CADPS2: variants seen among roughly 807,000 people sequenced by gnomAD.
CADPS2 encodes the protein calcium-dependent secretion activator 2.
A neutral mutation model predicts 172.5 loss-of-function variants in CADPS2; 93 were observed. That is an observed-to-expected ratio of 0.54 (90% CI 0.46 to 0.64). The LOEUF (loss-of-function observed/expected upper bound fraction) is 0.64. Among genes scored for constraint, CADPS2 ranks in the 30% least tolerant of loss-of-function variants. The pLI is 0.00. For synonymous variants in CADPS2, 546 were observed against 555.2 expected (o/e 0.98, Z 0.23); for missense variants, 1,420 against 1,565.9 (o/e 0.91, Z 1.57).
intron 8 of CADPS2, among the ~76,000 whole-genome samples, chr7:122,521,694 A>G (rs1312523522): frequency 1.3e-5 from 2 of 152,154 alleles, no homozygotes; most frequent in Non-Finnish European, 2.9e-5. Context: ...AATTATGACT[A>G]AAGAAAAACC....
Position 122,615,208 on chromosome 7 carries a change from G to A in CADPS2, c.1196C>T (p.Thr399Ile). 1.3e-6 allele frequency: 2 copies of A among 1,554,866 alleles called. No homozygotes were observed. Among genetic ancestry groups the A allele is most frequent in the African/African-American group, 1.4e-5 (1 of 73,530 alleles). The change falls in exon 6 of 30, where the codon ACA (threonine) becomes ATA (isoleucine). Residue 399 changes from threonine (T) to isoleucine (I), a missense_variant. Physicochemically the swap from Thr to Ile is moderately conservative, Grantham distance 89. Coordinates refer to ENST00000449022, the MANE Select transcript of CADPS2 (RefSeq NM_017954.11). ...TGGCCTTGAGGCTTCGGCCTGGTCTGTCTGAAGTTTTTCTCCTTCCACTTC... is the reference window on the plus strand; with the variant it reads ...TGGCCTTGAGGCTTCGGCCTGGTCTATCTGAAGTTTTTCTCCTTCCACTTC... Reference protein sequence around the residue: ...TMEVEGEKLQTDQAEASRPQW... With the variant: ...TMEVEGEKLQIDQAEASRPQW...
chr7:122,816,567 T>C (rs185876824), intron 1 of CADPS2, among the ~76,000 whole-genome samples: 6 of 152,370 alleles, frequency 3.9e-5, no homozygotes, highest in Admixed American at 1.3e-4. Context: ...AATTGCTGGA[T>C]CATACAGTAG....
At chr7:122,675,653 G>A (rs563361618) in intron 2 of CADPS2, among the ~76,000 whole-genome samples, 1 of 152,282 alleles carries the variant, frequency 6.6e-6, no homozygotes, top group African/African-American at 2.4e-5. Flanking sequence ...AAAAGAATGA[G>A]TTCATGTCCT....
At chr7:122,795,182 A>G (rs1232684716) in intron 1 of CADPS2, among the ~76,000 whole-genome samples, 2 of 152,090 alleles carry the variant, frequency 1.3e-5, no homozygotes, top group Non-Finnish European at 2.9e-5. Flanking sequence ...CAAATCCAGG[A>G]GCAATTTTTT....
At chr7:122,542,182 G>C (rs1028548892) in intron 8 of CADPS2, among the ~76,000 whole-genome samples, 2 of 151,990 alleles carry the variant, frequency 1.3e-5, no homozygotes, top group Non-Finnish European at 2.9e-5. Flanking sequence ...GAGGCACAGG[G>C]AGGTTAAGTA....
intron 29 of CADPS2, among the ~76,000 whole-genome samples, chr7:122,323,514 A>G (rs1231347432): frequency 1.3e-5 from 2 of 152,078 alleles, no homozygotes; most frequent in Non-Finnish European, 2.9e-5. Flanking sequence ...AATAAGTCAC[A>G]CTGTATATCT....
At chr7:122,584,457 T>A (rs1160089188) in intron 6 of CADPS2, among the ~76,000 whole-genome samples, 1 of 151,974 alleles carries the variant, frequency 6.6e-6, no homozygotes, top group Non-Finnish European at 1.5e-5. Flanking sequence ...CTTAATGTTT[T>A]CTTTTTTCCA....
At chr7:122,624,903 A>G (rs913847246) in intron 4 of CADPS2, among the ~76,000 whole-genome samples, 4 of 152,326 alleles carry the variant, frequency 2.6e-5, no homozygotes, top group Non-Finnish European at 4.4e-5. Context: ...ATAGAAAGTC[A>G]TAAGTGGCAT....
At chr7:122,774,555 C>T (rs1461432813) in intron 1 of CADPS2, among the ~76,000 whole-genome samples, 1 of 152,038 alleles carries the variant, frequency 6.6e-6, no homozygotes, top group Non-Finnish European at 1.5e-5. Context: ...TATAAATGTT[C>T]TACCAATTAT....
intron 2 of CADPS2, among the ~76,000 whole-genome samples, chr7:122,714,488 AAAAC>A (rs1487934753): frequency 1.3e-5 from 2 of 152,032 alleles, no homozygotes; most frequent in Non-Finnish European, 2.9e-5. Flanking sequence ...TTTTTTTAAA[AAAAC>A]AAACAATAAG....
At chr7:122,446,576 G>T (rs559193570) in intron 15 of CADPS2, among the ~76,000 whole-genome samples, 1 of 152,286 alleles carries the variant, frequency 6.6e-6, no homozygotes, top group South Asian at 2.1e-4. Context: ...GTTAGCATTA[G>T]AGATTCCCCC....
intron 1 of CADPS2, among the ~76,000 whole-genome samples, chr7:122,738,381 A>C (rs2092294517): frequency 6.6e-6 from 1 of 152,036 alleles, no homozygotes; most frequent in African/African-American, 2.4e-5. Flanking sequence ...AAGGCGTCTT[A>C]GATCTTAGGT....
intron 1 of CADPS2, among the ~76,000 whole-genome samples, chr7:122,803,307 A>G (rs1405728771): frequency 2.0e-5 from 3 of 152,224 alleles, no homozygotes; most frequent in Non-Finnish European, 2.9e-5. Flanking sequence ...TTTGTTCTGT[A>G]AAGGGAAATC....
chr7:122,620,343 A>G (rs1022085348), intron 5 of CADPS2, among the ~76,000 whole-genome samples: 2 of 152,024 alleles, frequency 1.3e-5, no homozygotes, highest in East Asian at 3.9e-4. Context: ...GTGACTTGAT[A>G]CTCCTAATTA....
intron 1 of CADPS2, among the ~76,000 whole-genome samples, chr7:122,881,988 C>T (rs1307304400): frequency 6.6e-6 from 1 of 152,078 alleles, no homozygotes; most frequent in Non-Finnish European, 1.5e-5. Context: ...ACACAGCAGA[C>T]ACCAAAGTAG....
At chr7:122,360,762 T>C (rs762427059) in intron 27 of CADPS2, 26 bp downstream of exon 27, 26 of 1,542,126 alleles carry the variant, frequency 1.7e-5, no homozygotes, top group Non-Finnish European at 2.3e-5. Context: ...CCATACAGTT[T>C]TAAAAAGCAG....
Position 122,656,563 on chromosome 7 carries a change from G to T in CADPS2, c.786+6674C>A, listed in dbSNP as rs181232533. Among the ~76,000 whole-genome samples, 31 of 152,246 alleles carry T rather than the reference G, an allele frequency of 2.0e-4. No individual in the cohort carries two copies. The East Asian group carries it at 3.3e-3, about 16-fold the overall frequency. ...ACCAGGGACAGAAACACTTATGAAG[G>T]TTACAGGTCCACTAAAAGACTGAGA... On this transcript the variant is annotated intron_variant, in intron 3 of 29. Transcript: ENST00000449022.
chr7:122,441,536 T>C lies in CADPS2; in HGVS notation c.2328A>G (p.Lys776=). 3.3e-6 allele frequency: 5 copies of C among 1,535,828 alleles called. No individual in the cohort carries two copies. Among genetic ancestry groups the C allele is most frequent in the Non-Finnish European group, 4.4e-6 (5 of 1,141,556 alleles). The part of the protein sequence containing the change: ...FPFGRPEGAL[K]ATLSLLERVL... Reference sequence around the variant, plus strand: ...CCCTTTCAAGTAATGAAAGTGTAGCTTTTAGAGCACCTTCAGGTCGTCCAA... The same window carrying C: ...CCCTTTCAAGTAATGAAAGTGTAGCCTTTAGAGCACCTTCAGGTCGTCCAA... Residue 776 remains lysine, a synonymous_variant, in exon 16 of 30, where the codon AAA becomes AAG. Coordinates refer to ENST00000449022, the MANE Select transcript of CADPS2 (RefSeq NM_017954.11).
intron 1 of CADPS2, among the ~76,000 whole-genome samples, chr7:122,784,897 C>T (rs966898259): frequency 6.6e-6 from 1 of 152,086 alleles, no homozygotes; most frequent in Admixed American, 6.5e-5. Flanking sequence ...ATAATTATTA[C>T]CTTTCCTATT....
Sources: allele counts gnomAD v4.1 joint callset (sites outside exome capture counted in the v4.1 genomes callset), GRCh38; gene constraint gnomAD v4.1.1; transcripts MANE v1.5; gene names NCBI Gene and HGNC (gene_info 2026-07-23, HGNC 2026-07-21).